Variants in TUSC3 observed in about 807,000 individuals in gnomAD.
The protein encoded by TUSC3 is dolichyl-diphosphooligosaccharide--protein glycosyltransferase subunit TUSC3.
A neutral mutation model predicts 44.8 loss-of-function variants in TUSC3; 45 were observed. The observed-to-expected ratio is 1.00, with a 90% CI of 0.79 to 1.29. The LOEUF is 1.29. Ranked by LOEUF, TUSC3 falls within the 50% of genes most tolerant of loss-of-function variation. The pLI is 0.00. For missense variants in TUSC3, 519 were observed against 437.9 expected (o/e 1.19, Z -1.65); for synonymous variants, 212 against 152.9 (o/e 1.39, Z -2.85).
At chr8:15,507,830 T>A (rs1276075705) in intron 2 of TUSC3, among the ~76,000 whole-genome samples, 2 of 151,112 alleles carry the variant, frequency 1.3e-5, no homozygotes, top group Non-Finnish European at 3.0e-5. Context: ...AAAGGCAAAG[T>A]GAACAAAAAA....
At chr8:15,682,889 C>T (rs1472982113) in intron 6 of TUSC3, among the ~76,000 whole-genome samples, 2 of 150,846 alleles carry the variant, frequency 1.3e-5, no homozygotes, top group African/African-American at 4.9e-5. Context: ...CTGGGAAAGG[C>T]GTTATTTTTT....
chr8:15,832,619 G>A, the TUSC3 span, among the ~76,000 whole-genome samples: 1 of 152,082 alleles, frequency 6.6e-6, no homozygotes, highest in Non-Finnish European at 1.5e-5. Context: ...ACAGAAAAAA[G>A]CAAAGGTTGC....
intron 3 of TUSC3, among the ~76,000 whole-genome samples, chr8:15,657,175 T>G (rs1438152836): frequency 1.3e-5 from 2 of 152,216 alleles, no homozygotes; most frequent in African/African-American, 4.8e-5. Flanking sequence ...TAGGCCACAT[T>G]CTTCATATTC....
intron 1 of TUSC3, among the ~76,000 whole-genome samples, chr8:15,443,054 C>T (rs1157546438): frequency 6.6e-6 from 1 of 152,180 alleles, no homozygotes; most frequent in African/African-American, 2.4e-5. Context: ...AAATCCTCAG[C>T]TGTTTTTGCT....
At chr8:15,657,529 G>C (rs1466933649) in intron 3 of TUSC3, among the ~76,000 whole-genome samples, 2 of 152,108 alleles carry the variant, frequency 1.3e-5, no homozygotes, top group African/African-American at 4.8e-5. Flanking sequence ...CATCAGAATG[G>C]CTTTTACTGT....
chr8:15,652,395 A>G (rs765928811), intron 3 of TUSC3, among the ~76,000 whole-genome samples: 7 of 152,106 alleles, frequency 4.6e-5, no homozygotes, highest in Non-Finnish European at 1.0e-4. Context: ...TTTTTCTGTT[A>G]GTGTTCTTCA....
At chr8:15,783,620 A>G in the TUSC3 span, among the ~76,000 whole-genome samples, 1 of 152,202 alleles carries the variant, frequency 6.6e-6, no homozygotes, top group African/African-American at 2.4e-5. Context: ...AACACACAAT[A>G]GAGAAAGGAC....
At chr8:15,627,771 C>T (rs893021662) in intron 2 of TUSC3, among the ~76,000 whole-genome samples, 5 of 152,248 alleles carry the variant, frequency 3.3e-5, no homozygotes, top group South Asian at 2.1e-4. Flanking sequence ...CTGCTCTAGC[C>T]AGCATGCCTG....
At chr8:15,435,249 C>T (rs28474921) in intron 1 of TUSC3, among the ~76,000 whole-genome samples, 24,554 of 151,754 alleles carry the variant, frequency 0.16, 2,062 homozygotes, top group Middle Eastern at 0.22. Flanking sequence ...GAGATGGTAT[C>T]TCATTGTGGT....
the TUSC3 span, among the ~76,000 whole-genome samples, chr8:15,810,283 T>C: frequency 6.6e-6 from 1 of 152,148 alleles, no homozygotes; most frequent in Non-Finnish European, 1.5e-5. Context: ...CTTAGAGTAC[T>C]GCATGTTAAA....
intron 9 of TUSC3, among the ~76,000 whole-genome samples, chr8:15,754,640 G>A (rs912481822): frequency 6.6e-5 from 10 of 152,076 alleles, no homozygotes; most frequent in African/African-American, 1.9e-4. Flanking sequence ...CAATGCCAAA[G>A]TACTTGCTTG....
upstream of TUSC3, among the ~76,000 whole-genome samples, chr8:15,535,853 A>T (rs1032660705): frequency 2.6e-5 from 4 of 152,286 alleles, no homozygotes; most frequent in African/African-American, 9.6e-5. Flanking sequence ...TGACCTGAAT[A>T]AAGTGATGAA....
chr8:15,512,339 T>C (rs749579997), intron 2 of TUSC3, among the ~76,000 whole-genome samples: 3 of 152,166 alleles, frequency 2.0e-5, no homozygotes, highest in African/African-American at 7.2e-5. Flanking sequence ...TGACCTCCCC[T>C]GAACAAGAAG....
At chr8:15,546,153 G>A (rs935257071) in intron 1 of TUSC3, among the ~76,000 whole-genome samples, 1 of 151,748 alleles carries the variant, frequency 6.6e-6, no homozygotes, top group African/African-American at 2.4e-5. Flanking sequence ...ATTTCTCCTG[G>A]TCTCTATCCA....
chr8:15,513,152 CAT>C (rs1801165484), intron 2 of TUSC3, among the ~76,000 whole-genome samples: 1 of 151,424 alleles, frequency 6.6e-6, no homozygotes, highest in Non-Finnish European at 1.5e-5. Context: ...AGTGTGACAT[CAT>C]ATACAAAAAA....
At chr8:15,438,943 G>C (rs1430135788) in intron 1 of TUSC3, among the ~76,000 whole-genome samples, 1 of 152,110 alleles carries the variant, frequency 6.6e-6, no homozygotes, top group Non-Finnish European at 1.5e-5. Flanking sequence ...CGCAAGGAGA[G>C]GAATCTACAA....
the TUSC3 span, among the ~76,000 whole-genome samples, chr8:15,796,706 T>C: frequency 3.3e-5 from 5 of 152,200 alleles, no homozygotes; most frequent in Non-Finnish European, 4.4e-5. Flanking sequence ...ACAAAGTTTC[T>C]ACCAAAAAGA....
intron 1 of TUSC3, among the ~76,000 whole-genome samples, chr8:15,615,671 A>T (rs1230246021): frequency 6.6e-6 from 1 of 152,224 alleles, no homozygotes; most frequent in African/African-American, 2.4e-5. Context: ...TACATATTCT[A>T]ATTACCCTGA....
At chr8:15,683,575 G>T (rs1808509110) in intron 6 of TUSC3, among the ~76,000 whole-genome samples, 1 of 152,006 alleles carries the variant, frequency 6.6e-6, no homozygotes, top group Admixed American at 6.6e-5. Context: ...TTGGAGTTCA[G>T]CTTCCTCTTG....
Sources: allele counts gnomAD v4.1 joint callset (sites outside exome capture counted in the v4.1 genomes callset), GRCh38; gene constraint gnomAD v4.1.1; transcripts MANE v1.5; gene names NCBI Gene and HGNC (gene_info 2026-07-23, HGNC 2026-07-21).